The following CDH4 variants were observed in gnomAD, a reference collection of about 807,000 sequenced individuals.
CDH4 encodes the protein cadherin-4.
CDH4 carries 33 observed loss-of-function variants against 86.0 expected under a neutral mutation model. That is an observed-to-expected ratio of 0.38 (90% CI 0.29 to 0.51). The LOEUF is 0.51. CDH4 is among the 20% of genes least tolerant of loss of function. The pLI, the probability that CDH4 is intolerant of heterozygous loss-of-function variation, is 0.86. For missense variants in CDH4, 1,114 were observed against 1,307.4 expected (o/e 0.85, Z 2.28); for synonymous variants, 555 against 549.4 (o/e 1.01, Z -0.14).
intron 2 of CDH4, among the ~76,000 whole-genome samples, chr20:61,598,076 C>T (rs908638662): frequency 6.6e-6 from 1 of 152,240 alleles, no homozygotes; most frequent in Non-Finnish European, 1.5e-5. Flanking sequence ...TCAGTGAACA[C>T]ATGCCAAGCT....
At chr20:61,849,521 G>A (rs926868524) in intron 5 of CDH4, among the ~76,000 whole-genome samples, 4 of 152,108 alleles carry the variant, frequency 2.6e-5, no homozygotes, top group Non-Finnish European at 4.4e-5. Flanking sequence ...GTGCTCCCCC[G>A]GCCCTAGGGA....
At chr20:61,571,111 C>A (rs2086338674) in intron 2 of CDH4, among the ~76,000 whole-genome samples, 1 of 152,140 alleles carries the variant, frequency 6.6e-6, no homozygotes. Flanking sequence ...ACATCCTCGG[C>A]GTGGCTGTGT....
In CDH4 at chr20:61,518,111, G is replaced by A. The variant is rs2085837178; in HGVS notation, c.170-225452G>A. 2.0e-5 allele frequency among the ~76,000 whole-genome samples: 3 copies of A among 152,208 alleles called. No homozygotes were observed. Among genetic ancestry groups the A allele is most frequent in the Non-Finnish European group, 4.4e-5 (3 of 68,036 alleles). ...TTCTAAAGAATTTGCAAGAAATCAT[G>A]ACGCTACTGCAAGGGTTTAGTGCTC... On this transcript the variant is annotated intron_variant, in intron 2 of 15. Coordinates refer to ENST00000614565, the MANE Select transcript of CDH4 (RefSeq NM_001794.5). The surrounding 1 kb of genome is among the most constrained non-coding windows in gnomAD (Gnocchi z 6.3).
intron 2 of CDH4, among the ~76,000 whole-genome samples, chr20:61,602,674 G>A (rs1282063804): frequency 2.3e-5 from 3 of 130,078 alleles, no homozygotes; most frequent in South Asian, 5.1e-4. Context: ...TCTGATGCTG[G>A]GTTTATACAT....
At chr20:61,418,245 C>T (rs1188094093) in intron 2 of CDH4, among the ~76,000 whole-genome samples, 1 of 143,954 alleles carries the variant, frequency 6.9e-6, no homozygotes, top group Non-Finnish European at 1.5e-5. Flanking sequence ...GAGTCTCGCT[C>T]TGTCCCCCAG....
At chr20:61,600,663 G>A (rs566594621) in intron 2 of CDH4, among the ~76,000 whole-genome samples, 26 of 152,288 alleles carry the variant, frequency 1.7e-4, no homozygotes, top group African/African-American at 6.0e-4. Context: ...ATTAAAATCC[G>A]AGGATCCTTA....
intron 2 of CDH4, among the ~76,000 whole-genome samples, chr20:61,687,746 A>C (rs962903975): frequency 2.0e-5 from 3 of 152,242 alleles, no homozygotes; most frequent in African/African-American, 7.2e-5. Flanking sequence ...CACAGGGAGC[A>C]CCACCTGATG....
At chr20:61,525,896 G>A (rs1029587189) in intron 2 of CDH4, among the ~76,000 whole-genome samples, 1 of 152,148 alleles carries the variant, frequency 6.6e-6, no homozygotes, top group South Asian at 2.1e-4. Flanking sequence ...CGGAGCCACC[G>A]GGAAGGAAAT....
At chr20:61,935,821 G>A in intron 15 of CDH4, among the ~76,000 whole-genome samples, 1 of 152,226 alleles carries the variant, frequency 6.6e-6, no homozygotes, top group Middle Eastern at 3.2e-3. Flanking sequence ...GGGAGGCAGA[G>A]GTTACAGTGA....
chr20:61,697,882 G>A (rs909672195), intron 2 of CDH4, among the ~76,000 whole-genome samples: 8 of 152,180 alleles, frequency 5.3e-5, no homozygotes, highest in African/African-American at 1.9e-4. Flanking sequence ...CCCACACCCG[G>A]GTCTCTCAAC....
chr20:61,267,789 C>T (rs1037435524), intron 2 of CDH4, among the ~76,000 whole-genome samples: 1 of 152,170 alleles, frequency 6.6e-6, no homozygotes, highest in Non-Finnish European at 1.5e-5. Context: ...AGGAGCTGGG[C>T]ACTCTCTGGC....
At chr20:61,507,731 C>T (rs1379881936) in intron 2 of CDH4, among the ~76,000 whole-genome samples, 1 of 152,034 alleles carries the variant, frequency 6.6e-6, no homozygotes, top group Non-Finnish European at 1.5e-5. Flanking sequence ...GATCCTGGGA[C>T]GGGAAAGAGG....
intron 2 of CDH4, among the ~76,000 whole-genome samples, chr20:61,533,843 A>G (rs888818299): frequency 9.2e-5 from 14 of 152,268 alleles, no homozygotes; most frequent in Middle Eastern, 3.4e-3. Context: ...ATGTGTTTAA[A>G]ACCTCAATAT....
At chr20:61,279,739 T>C (rs1295484117) in intron 2 of CDH4, among the ~76,000 whole-genome samples, 1 of 152,198 alleles carries the variant, frequency 6.6e-6, no homozygotes, top group East Asian at 1.9e-4. Flanking sequence ...TGGACCTCGA[T>C]GTGCAAGTTC....
chr20:61,929,615 A>G lies in CDH4; in HGVS notation c.2012A>G (p.Tyr671Cys). ...TACTGTTGCTTTGCACCAGGTGACT[A>G]TGCCCAACTCAGCTTGCGCATCCTG... ...NWTITRLNGD[Y>C]AQLSLRILYL... Residue 671 changes from tyrosine (Y) to cysteine (C), a missense_variant, in exon 13 of 16, where the codon TAT becomes TGT. By Grantham distance (194) the Tyr-to-Cys change is radical (BLOSUM62 -2). Coordinates refer to ENST00000614565, the MANE Select transcript of CDH4 (RefSeq NM_001794.5). 6 of 1,613,332 alleles carry G rather than the reference A, an allele frequency of 3.7e-6. No individual in the cohort carries two copies. The highest frequency in any genetic ancestry group is 2.2e-5 in the East Asian group (1 of 44,878).
rs187136145 is a variant in CDH4 at position 61,691,063 on chromosome 20, A to G, written c.170-52500A>G. 5.1e-4 allele frequency among the ~76,000 whole-genome samples: 77 copies of G among 152,220 alleles called. No individual in the cohort carries two copies. The South Asian group carries it at 7.1e-3, about 14-fold the overall frequency. Reference sequence around the variant, plus strand: ...CCTTTTCCTTTTCCTTCTGAGAGTGATGCCACCTCTCACAGCTCCCGGAAG... The same window carrying G: ...CCTTTTCCTTTTCCTTCTGAGAGTGGTGCCACCTCTCACAGCTCCCGGAAG... On this transcript the variant is annotated intron_variant, in intron 2 of 15. Coordinates refer to ENST00000614565, the MANE Select transcript of CDH4 (RefSeq NM_001794.5).
chr20:61,922,644 C>G (rs1239840230), intron 9 of CDH4, among the ~76,000 whole-genome samples: 3 of 152,238 alleles, frequency 2.0e-5, no homozygotes, highest in Non-Finnish European at 4.4e-5. Flanking sequence ...GAGGAGAACC[C>G]ACTGCCTGCC....
chr20:61,688,247 A>G (rs1017487239), intron 2 of CDH4, among the ~76,000 whole-genome samples: 11 of 152,176 alleles, frequency 7.2e-5, no homozygotes, highest in South Asian at 2.1e-4. Flanking sequence ...GAGCAATACC[A>G]TGCAAATAGC....
intron 4 of CDH4, among the ~76,000 whole-genome samples, chr20:61,788,953 G>T (rs1184251555): frequency 6.6e-6 from 1 of 152,230 alleles, no homozygotes; most frequent in Non-Finnish European, 1.5e-5. Context: ...AAACAGTCAG[G>T]CTTCTGTCTT....
Sources: allele counts gnomAD v4.1 joint callset (sites outside exome capture counted in the v4.1 genomes callset), GRCh38; gene constraint gnomAD v4.1.1; non-coding constraint Gnocchi (gnomAD v3.1); transcripts MANE v1.5; gene names NCBI Gene and HGNC (gene_info 2026-07-23, HGNC 2026-07-21).